The following DAB1 variants were observed in gnomAD, a reference collection of about 807,000 sequenced individuals.
DAB1 encodes the protein DAB adaptor protein 1, also known as disabled homolog 1.
DAB1 carries 15 observed loss-of-function variants against 64.6 expected under a neutral mutation model. The observed-to-expected ratio is 0.23, with a 90% CI of 0.16 to 0.36. The LOEUF (loss-of-function observed/expected upper bound fraction) is 0.36, where lower values mean the gene tolerates loss of function less well. Ranked by LOEUF, DAB1 falls within the 10% of genes least tolerant of loss-of-function variation. DAB1 has a pLI of 1.00. For synonymous variants in DAB1, 235 were observed against 251.9 expected (o/e 0.93, Z 0.64); for missense variants, 596 against 706.7 (o/e 0.84, Z 1.78).
chr1:57,362,520 G>A (rs930954344), intron 1 of DAB1, among the ~76,000 whole-genome samples: 1 of 152,110 alleles, frequency 6.6e-6, no homozygotes, highest in Non-Finnish European at 1.5e-5. Flanking sequence ...AATTGCCAAT[G>A]TGATGGTATT....
At chr1:58,451,147 T>C (rs532024401) in intron 3 of DAB1, among the ~76,000 whole-genome samples, 1 of 152,354 alleles carries the variant, frequency 6.6e-6, no homozygotes, top group East Asian at 1.9e-4. Flanking sequence ...TGGAATGCCA[T>C]GATGCAATCA....
intron 3 of DAB1, among the ~76,000 whole-genome samples, chr1:58,367,682 C>G (rs1644229212): frequency 6.6e-6 from 1 of 152,102 alleles, no homozygotes; most frequent in Admixed American, 6.5e-5. Flanking sequence ...CCCACAGCAT[C>G]TCAGACAGTA....
At chr1:57,237,583 C>A (rs566815723) in intron 2 of DAB1, among the ~76,000 whole-genome samples, 1 of 152,122 alleles carries the variant, frequency 6.6e-6, no homozygotes, top group African/African-American at 2.4e-5. Flanking sequence ...ATACTCTAAG[C>A]GAAAATACAA....
intron 13 of DAB1, 98 bp from the exon 14 acceptor site, chr1:57,010,888 T>C: frequency 1.0e-6 from 1 of 999,802 alleles, no homozygotes; most frequent in South Asian, 1.8e-5. Flanking sequence ...AATCAGTTAT[T>C]GTAAAGGAGG....
chr1:57,734,820 G>A (rs1307986797), intron 6 of DAB1, among the ~76,000 whole-genome samples: 4 of 152,100 alleles, frequency 2.6e-5, no homozygotes, highest in African/African-American at 7.2e-5. Flanking sequence ...CCAGCTACCA[G>A]TAAACAACAA....
At chr1:57,727,083 C>G (rs917552073) in intron 6 of DAB1, among the ~76,000 whole-genome samples, 1 of 152,206 alleles carries the variant, frequency 6.6e-6, no homozygotes, top group Non-Finnish European at 1.5e-5. Flanking sequence ...GAAAGACCAG[C>G]GAGTCAGAGA....
intron 3 of DAB1, among the ~76,000 whole-genome samples, chr1:58,394,729 C>T (rs1644504512): frequency 1.3e-5 from 2 of 152,102 alleles, no homozygotes; most frequent in Non-Finnish European, 2.9e-5. Context: ...TCAATGATTG[C>T]CCGGGGCTGG....
rs151220509 is a variant in DAB1 at position 57,346,261 on chromosome 1, T to C, written c.-136-55095A>G. On this transcript the variant is annotated intron_variant, in intron 1 of 14. Transcript: ENST00000371236. ...TGAGAAGACGGAGGAGGATCCTACA[T>C]GGTAGTTAATATTTCAGCTTCAACT... 4.0e-3 allele frequency among the ~76,000 whole-genome samples: 605 copies of C among 152,300 alleles called. 5 individuals are homozygous for C. Among genetic ancestry groups the C allele is most frequent in the African/African-American group, 0.014 (578 of 41,562 alleles).
intron 7 of DAB1, among the ~76,000 whole-genome samples, chr1:57,515,245 C>A (rs1428138325): frequency 6.6e-6 from 1 of 152,150 alleles, no homozygotes; most frequent in East Asian, 1.9e-4. Context: ...CACTTAGACA[C>A]TGATTATAAA....
At chr1:58,068,532 G>A (rs1310845272) in intron 5 of DAB1, among the ~76,000 whole-genome samples, 2 of 152,048 alleles carry the variant, frequency 1.3e-5, no homozygotes, top group Non-Finnish European at 2.9e-5. Context: ...TTGGGGGGCA[G>A]AGGCGGGCGG....
At chr1:57,191,966 A>C (rs1316505923) in intron 2 of DAB1, among the ~76,000 whole-genome samples, 2 of 152,146 alleles carry the variant, frequency 1.3e-5, no homozygotes, top group African/African-American at 4.8e-5. Context: ...GGCACGAGCT[A>C]ATACCACAAA....
intron 4 of DAB1, among the ~76,000 whole-genome samples, chr1:57,135,471 A>G (rs1394738532): frequency 6.6e-6 from 1 of 152,210 alleles, no homozygotes; most frequent in Non-Finnish European, 1.5e-5. Flanking sequence ...ATTTCACTGT[A>G]TGTATATACA....
intron 14 of DAB1, among the ~76,000 whole-genome samples, chr1:57,004,383 T>C (rs1645986802): frequency 6.6e-6 from 1 of 152,254 alleles, no homozygotes; most frequent in African/African-American, 2.4e-5. Context: ...TTGACAAAAG[T>C]ATGTCAAAAG....
chr1:57,922,845 C>CAAAAAAA (rs367897659), intron 5 of DAB1, among the ~76,000 whole-genome samples: 6 of 45,002 alleles, frequency 1.3e-4, no homozygotes, highest in African/African-American at 4.5e-4. Flanking sequence ...GACTCCATCT[C>CAAAAAAA]AAAAAAAAAA....
intron 1 of DAB1, among the ~76,000 whole-genome samples, chr1:57,291,852 C>T (rs597941): frequency 0.39 from 59,025 of 152,000 alleles, 11,974 homozygotes; most frequent in Admixed American, 0.56. Flanking sequence ...ACTCAGACAC[C>T]GTGCTAGGAA....
chr1:57,001,810 G>T (rs527244609), intron 14 of DAB1, among the ~76,000 whole-genome samples: 2 of 152,282 alleles, frequency 1.3e-5, no homozygotes, highest in African/African-American at 2.4e-5. Flanking sequence ...CATACTTTAA[G>T]ACCTAGCTGA....
chr1:57,409,885 A>G (rs1026169067), intron 1 of DAB1, among the ~76,000 whole-genome samples: 2 of 152,224 alleles, frequency 1.3e-5, no homozygotes, highest in African/African-American at 4.8e-5. Flanking sequence ...AAATACTTGC[A>G]TAACTATGCT....
chr1:57,613,926 G>C (rs1038410088), intron 7 of DAB1, among the ~76,000 whole-genome samples: 10 of 152,198 alleles, frequency 6.6e-5, no homozygotes, highest in Admixed American at 4.6e-4. Flanking sequence ...GGGGATAATA[G>C]TGTTTCATTT....
intron 5 of DAB1, among the ~76,000 whole-genome samples, chr1:58,101,373 G>T (rs930057912): frequency 3.9e-5 from 6 of 152,060 alleles, no homozygotes; most frequent in African/African-American, 1.4e-4. Flanking sequence ...CCTGTCACTG[G>T]GGTCAGTTGC....
Sources: allele counts gnomAD v4.1 joint callset (sites outside exome capture counted in the v4.1 genomes callset), GRCh38; gene constraint gnomAD v4.1.1; transcripts MANE v1.5; gene names NCBI Gene and HGNC (gene_info 2026-07-23, HGNC 2026-07-21).